The following DPAGT1 variants were observed in gnomAD, a reference collection of about 807,000 sequenced individuals.
The protein encoded by DPAGT1 is dolichyl-phosphate N-acetylglucosaminephosphotransferase 1.
A neutral mutation model predicts 39.3 loss-of-function variants in DPAGT1; 25 were observed. That is an observed-to-expected ratio of 0.64 (90% CI 0.46 to 0.89). The LOEUF (loss-of-function observed/expected upper bound fraction) is 0.89. Ranked by LOEUF, DPAGT1 falls within the 40% of genes least tolerant of loss-of-function variation. The probability of loss-of-function intolerance (pLI) is 0.00; values close to 1 mark genes in which losing one functional copy is unlikely to be tolerated. For missense variants in DPAGT1, 381 were observed against 500.6 expected, an observed-to-expected ratio of 0.76 and a Z score of 2.28; for synonymous variants, 193 against 201.4, an observed-to-expected ratio of 0.96 and a Z score of 0.36.
chr11:119,101,304 A>AGAAG, intron 1 of DPAGT1, 166 bp from the exon 2 acceptor site: 1 of 1,370,342 alleles, frequency 7.3e-7, no homozygotes, highest in Admixed American at 1.8e-5. Context: ...AGAGTCCCAG[A>AGAAG]TATACCCAAG....
Position 119,101,843 on chromosome 11 carries a change from A to G in DPAGT1, c.-188T>C. 6.8e-7 allele frequency: 1 copy of G among 1,462,978 alleles called. No individual in the cohort carries two copies. The highest frequency in any genetic ancestry group is 9.0e-7 in the Non-Finnish European group (1 of 1,109,346). The allele number at this position is 1,462,978 out of a possible 1,614,324, so 90.6% of individuals were successfully genotyped here. On this transcript the variant is annotated 5_prime_UTR_variant, in exon 1 of 9. Transcript: ENST00000354202. ...GACACCGGGGAACCTCTCTAAGGCA[A>G]CCTATGTTCTGCCCCGCTGCACCCG...
chr11:119,095,466 G>A (rs1333722933), downstream of DPAGT1: 5 of 1,441,558 alleles, frequency 3.5e-6, no homozygotes, highest in South Asian at 1.4e-5. Flanking sequence ...TGTAACTGCT[G>A]TCGCGCGCGC....
chr11:119,101,060 G>A lies in DPAGT1; in HGVS notation c.240C>T (p.Asn80=). The A allele has an allele frequency of 1.2e-6, 2 of 1,614,176 alleles. No individual in the cohort carries two copies. The highest frequency in any genetic ancestry group is 1.7e-6 in the Non-Finnish European group (2 of 1,180,030). Residue 80 remains asparagine (N), a synonymous_variant, in exon 2 of 9, where the codon AAC becomes AAT. Coordinates refer to ENST00000354202, the MANE Select transcript of DPAGT1 (RefSeq NM_001382.4). ...LFCFIPFPFL[N]CFVKEQCKAF... ...CCTTACACTGCTCCTTCACAAAGCA[G>A]TTCAGGAAGGGGAAAGGGATGAAGC...
At chr11:119,100,437 T>C in intron 3 of DPAGT1, 29 bp from the exon 4 acceptor site, 1 of 1,613,880 alleles carries the variant, frequency 6.2e-7, no homozygotes, top group Non-Finnish European at 8.5e-7. Flanking sequence ...GGAAAAGAAG[T>C]AGTGCCACCT....
At chr11:119,098,950 A>G (rs929675919) in intron 4 of DPAGT1, among the ~76,000 whole-genome samples, 1 of 152,252 alleles carries the variant, frequency 6.6e-6, no homozygotes, top group Admixed American at 6.5e-5. Context: ...TCTATAGTTC[A>G]AAGCTAGGTT....
chr11:119,100,362 G>A lies in DPAGT1; in HGVS notation c.543C>T (p.Thr181=). The A allele has an allele frequency of 2.5e-6, 4 of 1,614,216 alleles. No individual in the cohort carries two copies. Among genetic ancestry groups the A allele is most frequent in the Non-Finnish European group, 3.4e-6 (4 of 1,180,034 alleles). ...VYMGLLAVFC[T]NAINILAGIN... The stretch of plus-strand genomic sequence containing the variant: ...TTCCTGCTAGGATATTGATGGCATT[G>A]GTACAGAACACTGCCAGCAGCCCCA... The change falls in exon 4 of 9, where the codon ACC becomes ACT. Residue 181 remains threonine, a synonymous_variant. Transcript: ENST00000354202.
intron 4 of DPAGT1, among the ~76,000 whole-genome samples, chr11:119,099,642 T>A (rs190199614): frequency 1.2e-3 from 177 of 146,670 alleles, no homozygotes; most frequent in African/African-American, 4.3e-3. Context: ...TACAAAAATT[T>A]GCCAGGTGTG....
chr11:119,100,799 G>A lies in DPAGT1; in HGVS notation c.327C>T (p.Ile109=), dbSNP rs1565765835. 6.2e-7 allele frequency: 1 copy of A among 1,614,238 alleles called. No individual in the cohort carries two copies. Among genetic ancestry groups the A allele is most frequent in the Non-Finnish European group, 8.5e-7 (1 of 1,180,048 alleles). The change falls in exon 3 of 9, where the codon ATC becomes ATT. Residue 109 remains isoleucine (I), a synonymous_variant. Transcript: ENST00000354202. ...GTACATCATCCGCAAAGCCCAGGAA[G>A]ATCATGCAGCAGATGGCAAGGAGGG... is the stretch of plus-strand genomic sequence containing the variant. ...IGALLAICCM[I]FLGFADDVLN...
rs747719202 is a variant in DPAGT1, at chr11:119,100,347, G to A, written c.558C>T (p.Ile186=). 1.2e-6 allele frequency: 2 copies of A among 1,614,216 alleles called. No homozygotes were observed. ...CCTCTAGGCCGTTAATTCCTGCTAGGATATTGATGGCATTGGTACAGAACA... is the reference window on the plus strand; with the variant it reads ...CCTCTAGGCCGTTAATTCCTGCTAGAATATTGATGGCATTGGTACAGAACA... ...LAVFCTNAIN[I]LAGINGLEAG... The change falls in exon 4 of 9, where the codon ATC becomes ATT. Residue 186 remains isoleucine, a synonymous_variant. Coordinates refer to ENST00000354202, the MANE Select transcript of DPAGT1 (RefSeq NM_001382.4).
rs1946400115 is a variant in DPAGT1 at position 119,096,642 on chromosome 11, A to C, written c.*356T>G. 2.5e-6 allele frequency: 1 copy of C among 403,288 alleles called. No homozygotes were observed. The highest frequency in any genetic ancestry group is 4.0e-5 in the Admixed American group (1 of 24,786). 25.0% of individuals were successfully genotyped at this position (403,288 alleles called of 1,614,324 possible). On this transcript the variant is annotated 3_prime_UTR_variant, in exon 9 of 9. Transcript: ENST00000354202. ...AGCCTGTGTTCCTAGCCCTGGCCCA[A>C]GTTCTATCCCAAAAACCAGTGGTTC...
Sources: gnomAD v4.1 joint callset for allele counts (sites outside exome capture counted in the v4.1 genomes callset) on GRCh38, gnomAD v4.1.1 for gene constraint, MANE v1.5 for transcripts, NCBI Gene and HGNC (gene_info 2026-07-23, HGNC 2026-07-21) for gene names.